C2CD2: variants seen among roughly 807,000 people sequenced by gnomAD.
The protein encoded by C2CD2 is C2 domain-containing protein 2.
C2CD2 carries 43 observed loss-of-function variants against 74.3 expected under a neutral mutation model. The ratio of observed to expected loss-of-function variants is 0.58; its 90% CI spans 0.45 to 0.75. C2CD2 has a LOEUF of 0.75. Among genes scored for constraint, C2CD2 ranks in the 30% least tolerant of loss-of-function variants. The pLI is 0.00. For synonymous variants in C2CD2, 422 were observed against 390.7 expected (o/e 1.08, Z -0.94); for missense variants, 801 against 916.3 (o/e 0.87, Z 1.63).
chr21:41,925,687 G>A (rs1230389461), intron 2 of C2CD2, among the ~76,000 whole-genome samples: 1 of 152,216 alleles, frequency 6.6e-6, no homozygotes, highest in African/African-American at 2.4e-5. Flanking sequence ...TATCCACAAT[G>A]GGGATTAAAT....
intron 8 of C2CD2, 93 bp downstream of exon 8, chr21:41,909,366 G>T: frequency 1.2e-6 from 1 of 842,144 alleles, no homozygotes; most frequent in Non-Finnish European, 2.1e-6. Flanking sequence ...AGCTTCCTCT[G>T]CTGGATCTCC....
chr21:41,893,860 C>A (rs1410381363), intron 13 of C2CD2, among the ~76,000 whole-genome samples: 1 of 152,042 alleles, frequency 6.6e-6, no homozygotes, highest in African/African-American at 2.4e-5. Context: ...CATCACCATG[C>A]CTCGATAATT....
At position 41,920,637 on chromosome 21, in the gene C2CD2, G is replaced by A. The variant is rs564960696; in HGVS notation, c.492+1335C>T. Among the ~76,000 whole-genome samples the A allele has an allele frequency of 5.9e-5, 9 of 152,368 alleles. No individual in the cohort carries two copies. The East Asian group carries it at 1.7e-3, about 29-fold the overall frequency. On this transcript the variant is annotated intron_variant, in intron 3 of 13. Transcript: ENST00000380486. ...CTCTGGTTGGAGGAACATCAGAGAA[G>A]CGGGAACGCCTCCTGCCGCTAGCAT...
chr21:41,905,044 A>G (rs1356989303), intron 11 of C2CD2, among the ~76,000 whole-genome samples: 1 of 152,214 alleles, frequency 6.6e-6, no homozygotes, highest in Non-Finnish European at 1.5e-5. Flanking sequence ...GTGTAAGCAG[A>G]AAGTGGTGAA....
chr21:41,899,021 G>T lies in C2CD2; in HGVS notation c.1870+32C>A. 1 of 1,568,712 alleles carries T rather than the reference G, an allele frequency of 6.4e-7. No individual in the cohort carries two copies. The highest frequency in any genetic ancestry group is 8.7e-7 in the Non-Finnish European group (1 of 1,144,400). On this transcript the variant is annotated intron_variant, in intron 13 of 13. Transcript: ENST00000380486. This position sits in a 1 kb window ranked among gnomAD's most constrained non-coding sequence, Gnocchi z 4.4. ...CATGAGCGCAAAGCCACCAAGTGGG[G>T]GGCCCGGGATGGGGGGCTCGGGAGC...
chr21:41,928,544 CAAAAAAAAAAAAA>C (rs59346777), intron 2 of C2CD2, among the ~76,000 whole-genome samples: 1 of 72,266 alleles, frequency 1.4e-5, no homozygotes, highest in Non-Finnish European at 2.5e-5. Context: ...TAAAGCAAAG[CAAAAAAAAAAAAA>C]AAAAAAAAAA....
chr21:41,926,427 G>C lies in C2CD2; in HGVS notation c.379-4342C>G. ...CGGTTGGCAGGTGAGGGTTTGGGTC[G>C]GGGAGCCCTGGGCAGCAGATGGAAG... is the stretch of plus-strand genomic sequence containing the variant. On this transcript the variant is annotated intron_variant, in intron 2 of 13. Coordinates refer to ENST00000380486, the MANE Select transcript of C2CD2 (RefSeq NM_015500.2). The surrounding 1 kb of genome is among the most constrained non-coding windows in gnomAD (Gnocchi z 8.0). 6 of 981,618 alleles carry C rather than the reference G, an allele frequency of 6.1e-6. No homozygotes were observed. Among genetic ancestry groups the C allele is most frequent in the Non-Finnish European group, 7.3e-6 (6 of 826,592 alleles). 60.8% of individuals were successfully genotyped at this position (981,618 alleles called of 1,614,324 possible).
chr21:41,919,177 T>C, intron 3 of C2CD2: 1 of 588,568 alleles, frequency 1.7e-6, no homozygotes, highest in Admixed American at 2.9e-5. Flanking sequence ...TGTGTGTGCA[T>C]GTGAGTGTGA....
rs1299348287 is a variant in C2CD2, at chr21:41,885,186, C to T, written c.*3938G>A. On this transcript the variant is annotated 3_prime_UTR_variant, in exon 14 of 14. Coordinates refer to ENST00000380486, the MANE Select transcript of C2CD2 (RefSeq NM_015500.2). The stretch of plus-strand genomic sequence containing the variant: ...GCCACATCTTCTCCAAAGGAACCCA[C>T]CCAAGCCCGTGTGCAGGCTTGCTGC... 1.3e-5 allele frequency: 2 copies of T among 152,288 alleles called. No individual in the cohort carries two copies. Among genetic ancestry groups the T allele is most frequent in the Non-Finnish European group, 2.9e-5 (2 of 68,072 alleles). 9.4% of individuals were successfully genotyped at this position (152,288 alleles called of 1,614,324 possible).
In C2CD2 at chr21:41,929,628, A is replaced by T. The variant is rs2065246116; in HGVS notation, c.379-7543T>A. On this transcript the variant is annotated intron_variant, in intron 2 of 13. Transcript: ENST00000380486. The surrounding 1 kb of genome is among the most constrained non-coding windows in gnomAD (Gnocchi z 4.6). ...TCCAGCTGATGGTTATACCATTGGGAGCCTCCATTTACTTAGAAATGAAAC... is the reference window on the plus strand; with the variant it reads ...TCCAGCTGATGGTTATACCATTGGGTGCCTCCATTTACTTAGAAATGAAAC... Among the ~76,000 whole-genome samples, 1 of 152,248 alleles carries T rather than the reference A, an allele frequency of 6.6e-6. No individual in the cohort carries two copies. The highest frequency in any genetic ancestry group is 2.1e-4 in the South Asian group (1 of 4,838).
chr21:41,926,922 A>G lies in C2CD2; in HGVS notation c.379-4837T>C, dbSNP rs2065218827. Among the ~76,000 whole-genome samples, 1 of 152,252 alleles carries G rather than the reference A, an allele frequency of 6.6e-6. No individual in the cohort carries two copies. The highest frequency in any genetic ancestry group is 6.5e-5 in the Admixed American group (1 of 15,286). ...AGGAAAGAACTCCCAAATAAAAGGA[A>G]GGCAAAGACCCTTCAGTAATCATCT... On this transcript the variant is annotated intron_variant, in intron 2 of 13. Coordinates refer to ENST00000380486, the MANE Select transcript of C2CD2 (RefSeq NM_015500.2). This position sits in a 1 kb window ranked among gnomAD's most constrained non-coding sequence, Gnocchi z 8.0.
chr21:41,925,110 C>A (rs111536436), intron 2 of C2CD2, among the ~76,000 whole-genome samples: 1 of 152,152 alleles, frequency 6.6e-6, no homozygotes, highest in Non-Finnish European at 1.5e-5. Context: ...CCTAGGGCTT[C>A]GCTACCCTCT....
intron 2 of C2CD2, among the ~76,000 whole-genome samples, chr21:41,940,359 G>A (rs1257569108): frequency 6.6e-6 from 1 of 152,188 alleles, no homozygotes; most frequent in African/African-American, 2.4e-5. Flanking sequence ...GAGAAAGCTT[G>A]TTGCAAAAGT....
At position 41,886,312 on chromosome 21, in the gene C2CD2, T is replaced by C. The variant is rs1354055207; in HGVS notation, c.*2812A>G. ...AAAGGTGATTTACACATCAGTATTT[T>C]TAGCATTTGGTGGATAATCTTAATT... On this transcript the variant is annotated 3_prime_UTR_variant, in exon 14 of 14. Transcript: ENST00000380486. 1 of 152,242 alleles carries C rather than the reference T, an allele frequency of 6.6e-6. No homozygotes were observed. The highest frequency in any genetic ancestry group is 1.5e-5 in the Non-Finnish European group (1 of 68,050). 9.4% of individuals were successfully genotyped at this position (152,242 alleles called of 1,614,324 possible).
chr21:41,926,458 C>G lies in C2CD2; in HGVS notation c.379-4373G>C. 1.1e-6 allele frequency: 1 copy of G among 950,826 alleles called. No homozygotes were observed. The highest frequency in any genetic ancestry group is 1.3e-6 in the Non-Finnish European group (1 of 799,202). The allele number at this position is 950,826 out of a possible 1,614,324, so 58.9% of individuals were successfully genotyped here. A position where few individuals can be genotyped will look rare whatever the true frequency, so the allele number is the denominator to read the frequency against. On this transcript the variant is annotated intron_variant, in intron 2 of 13. Coordinates refer to ENST00000380486, the MANE Select transcript of C2CD2 (RefSeq NM_015500.2). The surrounding 1 kb of genome is among the most constrained non-coding windows in gnomAD (Gnocchi z 8.0). ...CCCTGGGCAGCAGATGGAAGCACCACGGGGAGGGGAAAACAAGACTGAAGG... is the reference window on the plus strand; with the variant it reads ...CCCTGGGCAGCAGATGGAAGCACCAGGGGGAGGGGAAAACAAGACTGAAGG...
At chr21:41,893,573 C>T (rs558525148) in intron 13 of C2CD2, among the ~76,000 whole-genome samples, 43 of 142,248 alleles carry the variant, frequency 3.0e-4, no homozygotes, top group African/African-American at 9.9e-4. Flanking sequence ...AGTGGCAGAC[C>T]TCTGCCCCAG....
Position 41,910,435 on chromosome 21 carries a change from C to T in C2CD2, c.954-912G>A, listed in dbSNP as rs558858712. On this transcript the variant is annotated intron_variant, in intron 7 of 13. Coordinates refer to ENST00000380486, the MANE Select transcript of C2CD2 (RefSeq NM_015500.2). Reference sequence around the variant, plus strand: ...TTTGAGAGGTGTTTTTCATTTAGGTCGACGGATGGCATCCAGAATGCTTAT... The same window carrying T: ...TTTGAGAGGTGTTTTTCATTTAGGTTGACGGATGGCATCCAGAATGCTTAT... Among the ~76,000 whole-genome samples the T allele has an allele frequency of 1.2e-4, 19 of 152,230 alleles. No individual in the cohort carries two copies. The South Asian group carries it at 3.7e-3, about 30-fold the overall frequency.
At chr21:41,919,639 C>A (rs1196715372) in intron 3 of C2CD2, among the ~76,000 whole-genome samples, 1 of 152,214 alleles carries the variant, frequency 6.6e-6, no homozygotes, top group Admixed American at 6.5e-5. Flanking sequence ...CCCTGCCCCA[C>A]ACTCAAACAG....
Position 41,945,231 on chromosome 21 carries a change from A to G in C2CD2, c.280-2986T>C, listed in dbSNP as rs1307910030. Reference sequence around the variant, plus strand: ...TGGACTAGAACCCAAGGTACAGGATACAATCACGGTTTTTCAGATAAACAC... The same window carrying G: ...TGGACTAGAACCCAAGGTACAGGATGCAATCACGGTTTTTCAGATAAACAC... On this transcript the variant is annotated intron_variant, in intron 1 of 13. Coordinates refer to ENST00000380486, the MANE Select transcript of C2CD2 (RefSeq NM_015500.2). This position sits in a 1 kb window ranked among gnomAD's most constrained non-coding sequence, Gnocchi z 4.2. Among the ~76,000 whole-genome samples, 1 of 152,236 alleles carries G rather than the reference A, an allele frequency of 6.6e-6. No homozygotes were observed. The highest frequency in any genetic ancestry group is 1.5e-5 in the Non-Finnish European group (1 of 68,044).
Sources: gnomAD v4.1 joint callset for allele counts (sites outside exome capture counted in the v4.1 genomes callset) on GRCh38, gnomAD v4.1.1 for gene constraint, Gnocchi (gnomAD v3.1) non-coding constraint, MANE v1.5 for transcripts, NCBI Gene and HGNC (gene_info 2026-07-23, HGNC 2026-07-21) for gene names.